GRIK4: variants seen among roughly 807,000 people sequenced by gnomAD.
GRIK4 encodes glutamate ionotropic receptor kainate type subunit 4.
Under a neutral mutation model 104.9 loss-of-function variants are expected in GRIK4, and 40 were observed. The ratio of observed to expected loss-of-function variants is 0.38; its 90% confidence interval spans 0.30 to 0.50. The LOEUF (loss-of-function observed/expected upper bound fraction) is 0.50, where lower values mean the gene tolerates loss of function less well. GRIK4 is among the 20% of genes least tolerant of loss of function. GRIK4 has a pLI of 0.93. For synonymous variants in GRIK4, 485 were observed against 524.9 expected, an observed-to-expected ratio of 0.92 and a Z score of 1.04; for missense variants, 1,047 against 1,308.1, an observed-to-expected ratio of 0.80 and a Z score of 3.08.
chr11:120,976,726 TG>T (rs1334135926), intron 19 of GRIK4, among the ~76,000 whole-genome samples: 2 of 152,258 alleles, frequency 1.3e-5, no homozygotes. Context: ...TGTCTCTTGC[TG>T]GGATCTCGTG....
At chr11:120,583,577 G>A (rs541669429) in intron 1 of GRIK4, among the ~76,000 whole-genome samples, 108 of 152,014 alleles carry the variant, frequency 7.1e-4, no homozygotes, top group Non-Finnish European at 1.3e-3. Context: ...CTATGTTTCT[G>A]TTTTGTGTAC....
chr11:120,972,423 G>C (rs1157055813), intron 19 of GRIK4, among the ~76,000 whole-genome samples: 1 of 152,214 alleles, frequency 6.6e-6, no homozygotes, highest in Non-Finnish European at 1.5e-5. Context: ...AATGTCCTTG[G>C]AGAGCGAGGT....
intron 3 of GRIK4, among the ~76,000 whole-genome samples, chr11:120,715,072 C>T (rs1950803574): frequency 6.6e-6 from 1 of 152,166 alleles, no homozygotes; most frequent in African/African-American, 2.4e-5. Flanking sequence ...TAGGTAACTA[C>T]CTTCATCCGT....
chr11:120,578,771 C>G (rs184084108), intron 1 of GRIK4, among the ~76,000 whole-genome samples: 1 of 152,322 alleles, frequency 6.6e-6, no homozygotes, highest in Non-Finnish European at 1.5e-5. Context: ...GAACGCCCCG[C>G]CCGGCCCCTG....
intron 8 of GRIK4, among the ~76,000 whole-genome samples, chr11:120,848,834 G>A (rs930499400): frequency 1.1e-4 from 16 of 152,086 alleles, no homozygotes; most frequent in African/African-American, 1.4e-4. Flanking sequence ...AGTGAGATCT[G>A]GTTATCCAAG....
intron 8 of GRIK4, among the ~76,000 whole-genome samples, chr11:120,841,656 G>C (rs377144941): frequency 1.4e-3 from 209 of 152,234 alleles, no homozygotes; most frequent in African/African-American, 4.8e-3. Context: ...TGGGTCATGT[G>C]GTAATTATCC....
chr11:120,926,493 C>T (rs963415233), intron 13 of GRIK4, among the ~76,000 whole-genome samples: 7 of 152,160 alleles, frequency 4.6e-5, no homozygotes, highest in African/African-American at 9.7e-5. Context: ...ATATTACTAA[C>T]CCCATTTTCC....
chr11:120,783,487 T>C (rs1037498454), intron 3 of GRIK4, among the ~76,000 whole-genome samples: 1 of 152,024 alleles, frequency 6.6e-6, no homozygotes, highest in African/African-American at 2.4e-5. Flanking sequence ...CTCCCTCTGC[T>C]CCCTCTCCCT....
chr11:120,620,009 G>T, intron 1 of GRIK4: 1 of 525,896 alleles, frequency 1.9e-6, no homozygotes. Context: ...AATCTCGGTG[G>T]AGCTGTTAGC....
At chr11:120,798,151 C>A (rs932892703) in intron 3 of GRIK4, among the ~76,000 whole-genome samples, 5 of 131,658 alleles carry the variant, frequency 3.8e-5, no homozygotes, top group African/African-American at 8.3e-5. Context: ...GTGAGCTCTG[C>A]TGTCTCTTTT....
intron 1 of GRIK4, among the ~76,000 whole-genome samples, chr11:120,531,889 T>A (rs1947927683): frequency 6.6e-6 from 1 of 152,292 alleles, no homozygotes; most frequent in East Asian, 1.9e-4. Context: ...CTGTTTCTCT[T>A]AGCACCTTGC....
rs140150638 is a variant in GRIK4 at position 120,864,205 on chromosome 11, T to TTTTA, written c.906+2133_906+2136dup. Among the ~76,000 whole-genome samples the TTTTA allele has an allele frequency of 7.3e-3, 1,000 of 137,758 alleles. 5 individuals are homozygous for TTTTA. The highest frequency in any genetic ancestry group is 0.011 in the Middle Eastern group (3 of 272). The allele number at this position is 137,758 out of a possible 152,430, so 90.4% of individuals were successfully genotyped here. A position where few individuals can be genotyped will look rare whatever the true frequency, so the allele number is the denominator to read the frequency against. The stretch of plus-strand genomic sequence containing the variant: ...ACAGTTCTCATTCCAGTATTTTTAT[T>TTTTA]TTTATTTATTTATTTATTTATTTAT... On this transcript the variant is annotated intron_variant, in intron 9 of 20. Transcript: ENST00000527524.
intron 8 of GRIK4, among the ~76,000 whole-genome samples, chr11:120,861,559 G>A (rs1954263612): frequency 6.6e-6 from 1 of 152,138 alleles, no homozygotes; most frequent in Non-Finnish European, 1.5e-5. Flanking sequence ...GGGATTTCTG[G>A]CTGGAGGAGC....
chr11:120,943,134 ACACACACACACACACACCCC>A (rs1269794078), intron 14 of GRIK4, among the ~76,000 whole-genome samples: 25 of 120,832 alleles, frequency 2.1e-4, no homozygotes, highest in African/African-American at 6.8e-4. Context: ...ACACACACAC[ACACACACACACACACACCCC>A]CCTGACTGTT....
intron 1 of GRIK4, among the ~76,000 whole-genome samples, chr11:120,592,734 T>C (rs1948750044): frequency 1.3e-5 from 2 of 152,120 alleles, no homozygotes; most frequent in Admixed American, 6.5e-5. Flanking sequence ...CCCTGAACTC[T>C]GCAAGCCCGC....
chr11:120,623,432 C>A (rs897963791), intron 1 of GRIK4, among the ~76,000 whole-genome samples: 2 of 152,090 alleles, frequency 1.3e-5, no homozygotes, highest in African/African-American at 2.4e-5. Context: ...CGCACCCGGC[C>A]CCCTGTACTC....
Position 120,905,139 on chromosome 11 carries a change from G to A in GRIK4, c.1273-151G>A. 2.9e-6 allele frequency: 2 copies of A among 696,040 alleles called. No homozygotes were observed. Among genetic ancestry groups the A allele is most frequent in the Admixed American group, 3.8e-5 (2 of 52,162 alleles). The allele number at this position is 696,040 out of a possible 1,614,324, so 43.1% of individuals were successfully genotyped here. ...AGGAGCACATCAGGGAGAGGAGCTG[G>A]TCATCACCCCAAAGTAGCCCATTAC... On this transcript the variant is annotated intron_variant, in intron 12 of 20. Transcript: ENST00000527524. The surrounding 1 kb of genome is among the most constrained non-coding windows in gnomAD (Gnocchi z 5.1).
At chr11:120,964,354 T>G (rs1944347564) in intron 18 of GRIK4, among the ~76,000 whole-genome samples, 1 of 152,198 alleles carries the variant, frequency 6.6e-6, no homozygotes, top group Non-Finnish European at 1.5e-5. Flanking sequence ...ATAATATGGT[T>G]CATCTCTGAA....
At chr11:120,747,916 A>T (rs992281045) in intron 3 of GRIK4, among the ~76,000 whole-genome samples, 1 of 152,202 alleles carries the variant, frequency 6.6e-6, no homozygotes, top group African/African-American at 2.4e-5. Flanking sequence ...TTCAAACAAG[A>T]TTCAGGGTGA....
Sources: gnomAD v4.1 joint callset for allele counts (sites outside exome capture counted in the v4.1 genomes callset) on GRCh38, gnomAD v4.1.1 for gene constraint, Gnocchi (gnomAD v3.1) non-coding constraint, MANE v1.5 for transcripts, NCBI Gene and HGNC (gene_info 2026-07-23, HGNC 2026-07-21) for gene names.